GAS7: variants seen among roughly 807,000 people sequenced by gnomAD.
GAS7 encodes growth arrest-specific protein 7.
GAS7 carries 28 observed loss-of-function variants against 71.1 expected under a neutral mutation model. The ratio of observed to expected loss-of-function variants is 0.39; its 90% CI spans 0.29 to 0.54. GAS7 has a LOEUF of 0.54. Ranked by LOEUF, GAS7 falls within the 20% of genes least tolerant of loss-of-function variation. GAS7 has a pLI of 0.62. For synonymous variants in GAS7, 258 were observed against 245.8 expected (o/e 1.05, Z -0.46); for missense variants, 436 against 627.8 (o/e 0.69, Z 3.27).
At chr17:10,128,192 G>A (rs2073966147) in intron 1 of GAS7, among the ~76,000 whole-genome samples, 1 of 152,236 alleles carries the variant, frequency 6.6e-6, no homozygotes, top group African/African-American at 2.4e-5. Flanking sequence ...CCACACATGG[G>A]AGGTGGAGGC....
intron 2 of GAS7, among the ~76,000 whole-genome samples, chr17:10,011,261 C>T (rs2071760278): frequency 6.6e-6 from 1 of 152,194 alleles, no homozygotes; most frequent in Admixed American, 6.5e-5. Flanking sequence ...TGACCACTGC[C>T]TTGGGCTTGG....
chr17:10,157,387 C>T (rs983469032), intron 1 of GAS7, among the ~76,000 whole-genome samples: 11 of 152,178 alleles, frequency 7.2e-5, no homozygotes, highest in African/African-American at 2.2e-4. Context: ...ACAAGTCTGA[C>T]GCCTACGTGG....
At chr17:9,972,519 G>A (rs2070011620) in intron 3 of GAS7, among the ~76,000 whole-genome samples, 1 of 152,110 alleles carries the variant, frequency 6.6e-6, no homozygotes, top group Non-Finnish European at 1.5e-5. Flanking sequence ...AAAACAAGGA[G>A]GATAAAGAAG....
chr17:9,978,914 G>A (rs1335874724), intron 3 of GAS7, among the ~76,000 whole-genome samples: 1 of 152,066 alleles, frequency 6.6e-6, no homozygotes, highest in Non-Finnish European at 1.5e-5. Flanking sequence ...AAACATTTAG[G>A]GCCAGGTGAT....
At chr17:10,005,246 C>CGTGT (rs759953807) in intron 2 of GAS7, among the ~76,000 whole-genome samples, 100 of 104,252 alleles carry the variant, frequency 9.6e-4, no homozygotes, top group South Asian at 2.0e-3. Context: ...TGCGCGCATG[C>CGTGT]ATGTGTGTGC....
At chr17:10,108,319 T>C (rs908006718) in intron 1 of GAS7, among the ~76,000 whole-genome samples, 3 of 152,228 alleles carry the variant, frequency 2.0e-5, no homozygotes, top group African/African-American at 7.2e-5. Flanking sequence ...AGGGCTCAGA[T>C]GTTTCTCATA....
intron 8 of GAS7, among the ~76,000 whole-genome samples, chr17:9,934,942 G>A (rs149359813): frequency 0.011 from 1,619 of 152,236 alleles, 31 homozygotes; most frequent in African/African-American, 0.037. Context: ...TGCCATGTTG[G>A]CCAGGCCGGT....
chr17:10,167,161 G>A (rs892935233), intron 1 of GAS7, among the ~76,000 whole-genome samples: 2 of 143,716 alleles, frequency 1.4e-5, no homozygotes, highest in Non-Finnish European at 3.0e-5. Flanking sequence ...GGGTTCAAGC[G>A]ATCCTCCTGC....
chr17:10,021,384 C>T (rs1233744956), intron 1 of GAS7, among the ~76,000 whole-genome samples: 1 of 152,230 alleles, frequency 6.6e-6, no homozygotes, highest in African/African-American at 2.4e-5. Flanking sequence ...AAACCACGTG[C>T]CGTGGCTTCC....
chr17:9,942,695 A>AAGTAAAGG, intron 7 of GAS7, among the ~76,000 whole-genome samples: 1 of 152,244 alleles, frequency 6.6e-6, no homozygotes, highest in Middle Eastern at 3.4e-3. Flanking sequence ...CCAGGTACAT[A>AAGTAAAGG]AGTAAAGGAG....
intron 1 of GAS7, among the ~76,000 whole-genome samples, chr17:10,163,392 T>C (rs1238680793): frequency 6.6e-6 from 1 of 151,350 alleles, no homozygotes; most frequent in African/African-American, 2.4e-5. Flanking sequence ...TCCCAAAGTG[T>C]TGGGATTACA....
chr17:10,174,796 G>A (rs781746364), intron 1 of GAS7, among the ~76,000 whole-genome samples: 10 of 152,230 alleles, frequency 6.6e-5, no homozygotes, highest in East Asian at 3.9e-4. Flanking sequence ...CAAAAGACAC[G>A]TGCCAGTGCC....
chr17:9,970,148 C>T (rs975665636), intron 3 of GAS7, among the ~76,000 whole-genome samples: 2 of 152,122 alleles, frequency 1.3e-5, no homozygotes, highest in African/African-American at 2.4e-5. Flanking sequence ...GGGGGCTCTC[C>T]ACCACCTTCC....
chr17:9,927,963 G>GCCTTTTCT (rs2068070521), intron 9 of GAS7, among the ~76,000 whole-genome samples: 1 of 152,128 alleles, frequency 6.6e-6, no homozygotes, highest in Non-Finnish European at 1.5e-5. Flanking sequence ...AAGGGTTTAT[G>GCCTTTTCT]CTGTCAGAAG....
chr17:10,112,765 G>GAAAGAAAGAAAA (rs1555534117), intron 1 of GAS7, among the ~76,000 whole-genome samples: 1 of 113,996 alleles, frequency 8.8e-6, no homozygotes, highest in Admixed American at 9.5e-5. Context: ...AAAGAAAAAA[G>GAAAGAAAGAAAA]AAAGAAAGAA....
At chr17:9,958,949 G>C (rs77251675) in intron 5 of GAS7, 25 of 1,382,998 alleles carry the variant, frequency 1.8e-5, no homozygotes, top group Non-Finnish European at 2.8e-6. Context: ...CTGAAAAAAC[G>C]GCTTCTGCAT....
intron 1 of GAS7, among the ~76,000 whole-genome samples, chr17:10,166,954 C>T (rs2142126034): frequency 6.6e-6 from 1 of 151,850 alleles, no homozygotes; most frequent in South Asian, 2.1e-4. Context: ...GGGTGGAGAC[C>T]CTGCTCTGGG....
chr17:9,982,434 T>A (rs1407984710), intron 2 of GAS7, among the ~76,000 whole-genome samples: 2 of 152,152 alleles, frequency 1.3e-5, no homozygotes, highest in Non-Finnish European at 2.9e-5. Flanking sequence ...ACTGCTGAAT[T>A]TGCCTGGTCA....
chr17:10,198,580 CG>C lies in GAS7; in HGVS notation c.-191del. 2.7e-6 allele frequency: 1 copy of C among 372,276 alleles called. No individual in the cohort carries two copies. The highest frequency in any genetic ancestry group is 4.1e-5 in the East Asian group (1 of 24,154). 23.1% of individuals were successfully genotyped at this position (372,276 alleles called of 1,614,324 possible). ...CGCTCCGCGCCGGGAAGCAGAGACT[CG>C]TTGGCTTCGCAGAGCGAGCGGCGAC... On this transcript the variant is annotated 5_prime_UTR_variant, in exon 1 of 14. Coordinates refer to ENST00000432992, the MANE Select transcript of GAS7 (RefSeq NM_201433.2).
Sources: allele counts gnomAD v4.1 joint callset (sites outside exome capture counted in the v4.1 genomes callset), GRCh38; gene constraint gnomAD v4.1.1; transcripts MANE v1.5; gene names NCBI Gene and HGNC (gene_info 2026-07-23, HGNC 2026-07-21).